Variants in FAM91A1 observed in about 807,000 individuals in gnomAD.
FAM91A1 encodes the protein protein FAM91A1.
A neutral mutation model predicts 113.5 loss-of-function variants in FAM91A1; 41 were observed. The ratio of observed to expected loss-of-function variants is 0.36; its 90% CI spans 0.28 to 0.47. The LOEUF is 0.47. Ranked by LOEUF, FAM91A1 falls within the 20% of genes least tolerant of loss-of-function variation. The probability of loss-of-function intolerance (pLI) is 1.00; values close to 1 mark genes in which losing one functional copy is unlikely to be tolerated. For synonymous variants in FAM91A1, 307 were observed against 347.9 expected (o/e 0.88, Z 1.31); for missense variants, 696 against 1,001.2 (o/e 0.70, Z 4.11).
chr8:123,788,476 T>TA (rs146978782), intron 14 of FAM91A1, among the ~76,000 whole-genome samples: 5,133 of 148,830 alleles, frequency 0.034, 301 homozygotes, highest in African/African-American at 0.12. Flanking sequence ...CTTTATATCT[T>TA]AAAAAAAAAA....
intron 3 of FAM91A1, among the ~76,000 whole-genome samples, chr8:123,776,463 G>A (rs1814985854): frequency 6.6e-6 from 1 of 152,168 alleles, no homozygotes; most frequent in Non-Finnish European, 1.5e-5. Context: ...TTCCTCTTTT[G>A]GAGGAAATAC....
At chr8:123,786,344 G>T in intron 11 of FAM91A1, 151 bp from the exon 12 acceptor site, 1 of 618,738 alleles carries the variant, frequency 1.6e-6, no homozygotes. Flanking sequence ...TATGTAGGCA[G>T]AGCATTTTTG....
chr8:123,804,211 C>T (rs1450046299), intron 18 of FAM91A1, among the ~76,000 whole-genome samples: 7 of 150,324 alleles, frequency 4.7e-5, no homozygotes, highest in Middle Eastern at 3.4e-3. Flanking sequence ...AGAGCCTGGG[C>T]GCGGTGGCTC....
chr8:123,778,683 C>G lies in FAM91A1; in HGVS notation c.460C>G (p.Arg154Gly), dbSNP rs758610657. The change falls in exon 6 of 24, where the codon CGT becomes GGT. Residue 154 changes from arginine (R) to glycine (G), a missense_variant. Transcript: ENST00000334705. ...SKKFFRRKTARDLLPIKPVEI... is the reference protein window; with the variant it reads ...SKKFFRRKTAGDLLPIKPVEI... ...GAAATTCTTCAGAAGGAAAACAGCCCGTGATCTTCTACCAATAAAGCCAGT... is the reference window on the plus strand; with the variant it reads ...GAAATTCTTCAGAAGGAAAACAGCCGGTGATCTTCTACCAATAAAGCCAGT... 6.0e-5 allele frequency: 96 copies of G among 1,610,200 alleles called. No individual in the cohort carries two copies. Among genetic ancestry groups the G allele is most frequent in the Non-Finnish European group, 7.5e-5 (88 of 1,178,894 alleles).
At chr8:123,812,431 G>A in intron 23 of FAM91A1, 88 bp from the exon 24 acceptor site, 5 of 1,169,028 alleles carry the variant, frequency 4.3e-6, no homozygotes, top group East Asian at 2.4e-5. Flanking sequence ...CACTTCTCAG[G>A]TAATCAAGGT....
chr8:123,798,193 T>A lies in FAM91A1; in HGVS notation c.1515T>A (p.Ala505=), dbSNP rs1219427653. 2 of 1,613,936 alleles carry A rather than the reference T, an allele frequency of 1.2e-6. No homozygotes were observed. Among genetic ancestry groups the A allele is most frequent in the Non-Finnish European group, 1.7e-6 (2 of 1,179,940 alleles). ...ATTACACGCTGCTTGTTTCCATGGC[T>A]CCCCTCACCAATGAAATCCGGCCTG... ...NKNYTLLVSM[A]PLTNEIRPVS... The change falls in exon 16 of 24, where the codon GCT becomes GCA. Residue 505 remains alanine (A), a synonymous_variant. Coordinates refer to ENST00000334705, the MANE Select transcript of FAM91A1 (RefSeq NM_144963.4).
chr8:123,798,188 A>G lies in FAM91A1; in HGVS notation c.1510A>G (p.Met504Val), dbSNP rs758762085. 6 of 1,613,894 alleles carry G rather than the reference A, an allele frequency of 3.7e-6. No individual in the cohort carries two copies. The highest frequency in any genetic ancestry group is 2.2e-5 in the South Asian group (2 of 91,082). Residue 504 changes from methionine (M) to valine (V), a missense_variant, in exon 16 of 24, where the codon ATG (methionine) becomes GTG (valine). Coordinates refer to ENST00000334705, the MANE Select transcript of FAM91A1 (RefSeq NM_144963.4). ...CAAAAATTACACGCTGCTTGTTTCC[A>G]TGGCTCCCCTCACCAATGAAATCCG... Reference protein sequence around the residue: ...LNKNYTLLVSMAPLTNEIRPV... With the variant: ...LNKNYTLLVSVAPLTNEIRPV...
chr8:123,774,342 T>C (rs1341890240), intron 2 of FAM91A1, among the ~76,000 whole-genome samples, 178 bp downstream of exon 2: 2 of 152,198 alleles, frequency 1.3e-5, no homozygotes, highest in Non-Finnish European at 2.9e-5. Flanking sequence ...AGATTTTTCA[T>C]TCTAATTCTG....
intron 15 of FAM91A1, among the ~76,000 whole-genome samples, chr8:123,793,197 A>G (rs984489250): frequency 1.3e-5 from 2 of 152,122 alleles, no homozygotes; most frequent in African/African-American, 4.8e-5. Context: ...CACCCAGTTA[A>G]TGCATTGTCT....
chr8:123,784,620 A>G, intron 9 of FAM91A1, 44 bp downstream of exon 9: 2 of 1,421,130 alleles, frequency 1.4e-6, no homozygotes, highest in African/African-American at 1.4e-5. Flanking sequence ...TCAAGATTGT[A>G]AGTTTGTGTA....
At chr8:123,812,363 T>G (rs1815977628) in intron 23 of FAM91A1, among the ~76,000 whole-genome samples, 156 bp from the exon 24 acceptor site, 2 of 152,200 alleles carry the variant, frequency 1.3e-5, no homozygotes, top group African/African-American at 2.4e-5. Flanking sequence ...TGTCATTGAT[T>G]GCTTTGGGCT....
intron 3 of FAM91A1, among the ~76,000 whole-genome samples, chr8:123,776,319 G>C (rs930095767): frequency 7.9e-5 from 12 of 152,224 alleles, no homozygotes; most frequent in African/African-American, 2.9e-4. Flanking sequence ...GAGGAGCCTA[G>C]AACTAAAGGA....
chr8:123,771,930 A>G (rs1256096060), intron 1 of FAM91A1, among the ~76,000 whole-genome samples: 1 of 152,232 alleles, frequency 6.6e-6, no homozygotes, highest in Non-Finnish European at 1.5e-5. Flanking sequence ...AGACCTGGTC[A>G]GTATTTCTGC....
rs16898863 is a variant in FAM91A1, at chr8:123,785,199, A to G, written c.849+80A>G. ...TAGTAGATTTTTATCTTGATAAGCT[A>G]CTGAGAAACGAAGACATTGAGATTG... is the stretch of plus-strand genomic sequence containing the variant. On this transcript the variant is annotated intron_variant, in intron 10 of 23. Transcript: ENST00000334705. 3.7e-3 allele frequency: 4,268 copies of G among 1,169,216 alleles called. 108 individuals carry two copies. In the African/African-American group the frequency reaches 0.058, roughly 16 times the overall value. The allele number at this position is 1,169,216 out of a possible 1,614,324, so 72.4% of individuals were successfully genotyped here. A position where few individuals can be genotyped will look rare whatever the true frequency, so the allele number is the denominator to read the frequency against.
intron 11 of FAM91A1, chr8:123,786,198 G>T: frequency 3.0e-6 from 1 of 329,992 alleles, no homozygotes; most frequent in Non-Finnish European, 5.6e-6. Flanking sequence ...GTGTGTTACA[G>T]ATCTTTTTTG....
intron 5 of FAM91A1, 95 bp from the exon 6 acceptor site, chr8:123,778,564 A>G: frequency 2.5e-6 from 2 of 786,950 alleles, no homozygotes; most frequent in South Asian, 1.6e-5. Context: ...GAAGATATTT[A>G]TTTAGTCCAT....
At chr8:123,802,094 G>A (rs1815699052) in intron 18 of FAM91A1, among the ~76,000 whole-genome samples, 3 of 151,996 alleles carry the variant, frequency 2.0e-5, no homozygotes, top group Admixed American at 2.0e-4. Context: ...GCAATTACAG[G>A]GGGGTAACAG....
intron 23 of FAM91A1, chr8:123,811,193 C>T (rs1815945216): frequency 6.6e-6 from 1 of 152,068 alleles, no homozygotes; most frequent in Non-Finnish European, 1.5e-5. Flanking sequence ...ACAAATGAAG[C>T]CCAGTGTGGC....
At chr8:123,792,138 G>A (rs1451231638) in intron 15 of FAM91A1, among the ~76,000 whole-genome samples, 2 of 151,442 alleles carry the variant, frequency 1.3e-5, no homozygotes, top group African/African-American at 4.9e-5. Flanking sequence ...TGACACCACT[G>A]CACTCCAGCC....
Sources: allele counts gnomAD v4.1 joint callset (sites outside exome capture counted in the v4.1 genomes callset), GRCh38; gene constraint gnomAD v4.1.1; transcripts MANE v1.5; gene names NCBI Gene and HGNC (gene_info 2026-07-23, HGNC 2026-07-21).